The following NRG3 variants were observed in gnomAD, a reference collection of about 807,000 sequenced individuals.
NRG3 encodes neuregulin 3.
Under a neutral mutation model 66.9 loss-of-function variants are expected in NRG3, and 31 were observed. That is an observed-to-expected ratio of 0.46 (90% CI 0.35 to 0.63). The LOEUF is 0.63. Ranked by LOEUF, NRG3 falls within the 20% of genes least tolerant of loss-of-function variation. NRG3 has a pLI of 0.00. For missense variants in NRG3, 910 were observed against 878.9 expected, an observed-to-expected ratio of 1.04 and a Z score of -0.45; for synonymous variants, 393 against 359.4, an observed-to-expected ratio of 1.09 and a Z score of -1.06.
At chr10:82,954,836 G>A (rs957478713) in intron 5 of NRG3, among the ~76,000 whole-genome samples, 5 of 151,398 alleles carry the variant, frequency 3.3e-5, no homozygotes, top group South Asian at 2.1e-4. Flanking sequence ...GTGTGAATTC[G>A]TGGATTTCCT....
At chr10:82,128,751 G>GT (rs879564246) in intron 1 of NRG3, among the ~76,000 whole-genome samples, 44 of 90,892 alleles carry the variant, frequency 4.8e-4, no homozygotes, top group Admixed American at 1.0e-3. Context: ...AAATTTCTGG[G>GT]GTTTTTTTTG....
At chr10:82,621,965 G>A (rs1333880116) in intron 2 of NRG3, among the ~76,000 whole-genome samples, 1 of 152,110 alleles carries the variant, frequency 6.6e-6, no homozygotes, top group Non-Finnish European at 1.5e-5. Context: ...CAAGTTACAT[G>A]TCACCACAGG....
intron 2 of NRG3, among the ~76,000 whole-genome samples, chr10:82,650,223 A>G (rs1369885012): frequency 1.3e-5 from 2 of 152,164 alleles, no homozygotes; most frequent in Non-Finnish European, 1.5e-5. Context: ...GCCATGTAGT[A>G]TATTTCCCAC....
intron 4 of NRG3, among the ~76,000 whole-genome samples, chr10:82,933,130 C>A (rs893978929): frequency 6.6e-6 from 1 of 152,190 alleles, no homozygotes; most frequent in African/African-American, 2.4e-5. Flanking sequence ...AGCATAGGAG[C>A]CTTCACAACC....
intron 3 of NRG3, among the ~76,000 whole-genome samples, chr10:82,787,138 T>C (rs2060403192): frequency 6.6e-6 from 1 of 152,228 alleles, no homozygotes. Flanking sequence ...TTGTTTCTTA[T>C]GCTTCTGCAT....
chr10:82,923,818 A>G (rs1369212337), intron 4 of NRG3, among the ~76,000 whole-genome samples: 2 of 151,950 alleles, frequency 1.3e-5, no homozygotes, highest in Non-Finnish European at 2.9e-5. Flanking sequence ...GTGTGCACGC[A>G]TATGTGCACT....
intron 1 of NRG3, among the ~76,000 whole-genome samples, chr10:81,979,784 C>T (rs1214845962): frequency 4.6e-5 from 7 of 152,228 alleles, no homozygotes; most frequent in South Asian, 2.1e-4. Context: ...CATTCAAGAC[C>T]GCTCTAATGG....
At chr10:82,897,102 G>T (rs1404252359) in intron 4 of NRG3, among the ~76,000 whole-genome samples, 1 of 152,172 alleles carries the variant, frequency 6.6e-6, no homozygotes, top group Non-Finnish European at 1.5e-5. Flanking sequence ...CAACAACATG[G>T]TTTGAATGAA....
intron 4 of NRG3, among the ~76,000 whole-genome samples, chr10:82,909,137 T>C (rs1290306086): frequency 1.3e-5 from 2 of 152,228 alleles, no homozygotes; most frequent in African/African-American, 4.8e-5. Flanking sequence ...CCAGAAACCA[T>C]GCAATTTCAC....
At chr10:82,801,549 T>C (rs927315374) in intron 3 of NRG3, among the ~76,000 whole-genome samples, 4 of 152,202 alleles carry the variant, frequency 2.6e-5, no homozygotes, top group Non-Finnish European at 5.9e-5. Context: ...AATCATTGTG[T>C]CATTGGTATC....
At chr10:81,914,116 G>C (rs1031489007) in intron 1 of NRG3, among the ~76,000 whole-genome samples, 1 of 151,988 alleles carries the variant, frequency 6.6e-6, no homozygotes, top group Non-Finnish European at 1.5e-5. Flanking sequence ...AATTATTGAC[G>C]TATTCCTGAT....
chr10:82,066,716 C>G lies in NRG3; in HGVS notation c.823+190553C>G, dbSNP rs1442405386. On this transcript the variant is annotated intron_variant, in intron 1 of 8. Coordinates refer to ENST00000372141, the MANE Select transcript of NRG3 (RefSeq NM_001010848.4). Reference sequence around the variant, plus strand: ...AATGCAACATTTATGTTTCCATTCTCTCTACACCAGTGAGTATAATGTTCT... The same window carrying G: ...AATGCAACATTTATGTTTCCATTCTGTCTACACCAGTGAGTATAATGTTCT... Among the ~76,000 whole-genome samples, 3 of 152,156 alleles carry G rather than the reference C, an allele frequency of 2.0e-5. No homozygotes were observed. In the East Asian group the frequency reaches 5.8e-4, roughly 29 times the overall value.
At chr10:82,821,602 G>A (rs752689480) in intron 3 of NRG3, among the ~76,000 whole-genome samples, 5 of 151,910 alleles carry the variant, frequency 3.3e-5, no homozygotes, top group Admixed American at 3.3e-4. Context: ...AGCATAATAA[G>A]TGACATTTAT....
intron 1 of NRG3, among the ~76,000 whole-genome samples, chr10:82,238,877 C>T (rs1802256677): frequency 2.6e-5 from 3 of 113,666 alleles, no homozygotes; most frequent in Non-Finnish European, 4.0e-5. Flanking sequence ...AGGCCTATGT[C>T]ACTTATTTTT....
At chr10:82,232,039 T>G (rs1243500195) in intron 1 of NRG3, among the ~76,000 whole-genome samples, 1 of 152,198 alleles carries the variant, frequency 6.6e-6, no homozygotes, top group Non-Finnish European at 1.5e-5. Context: ...ATTATAAATT[T>G]GAAGGCCCAT....
chr10:82,399,903 T>C (rs2136043051), intron 2 of NRG3, among the ~76,000 whole-genome samples: 1 of 152,310 alleles, frequency 6.6e-6, no homozygotes, highest in Non-Finnish European at 1.5e-5. Flanking sequence ...TATATAAATT[T>C]ATCTACAGAA....
Position 82,675,514 on chromosome 10 carries a change from C to T in NRG3, c.954-63063C>T, listed in dbSNP as rs148443603. Among the ~76,000 whole-genome samples, 149 of 152,212 alleles carry T rather than the reference C, an allele frequency of 9.8e-4. 2 individuals carry two copies. In the East Asian group the frequency reaches 0.019, roughly 19 times the overall value. The stretch of plus-strand genomic sequence containing the variant: ...TAGTGATGCTGTCCACAGGGGTAAT[C>T]GGGGAAGTTAGCATACCTTTTGATC... On this transcript the variant is annotated intron_variant, in intron 2 of 8. Transcript: ENST00000372141.
intron 3 of NRG3, among the ~76,000 whole-genome samples, chr10:82,797,813 CTG>C (rs1476805465): frequency 3.3e-5 from 5 of 152,120 alleles, no homozygotes; most frequent in African/African-American, 4.8e-5. Context: ...GTAAACAAAA[CTG>C]TGAATGTGGC....
At chr10:82,902,455 A>G (rs1844321924) in intron 4 of NRG3, among the ~76,000 whole-genome samples, 1 of 152,064 alleles carries the variant, frequency 6.6e-6, no homozygotes, top group Non-Finnish European at 1.5e-5. Flanking sequence ...TGTCTCAGTC[A>G]AGGGGTCTTT....
Sources: gnomAD v4.1 joint callset for allele counts (sites outside exome capture counted in the v4.1 genomes callset) on GRCh38, gnomAD v4.1.1 for gene constraint, MANE v1.5 for transcripts, NCBI Gene and HGNC (gene_info 2026-07-23, HGNC 2026-07-21) for gene names.